SPOCK1: variants seen among roughly 807,000 people sequenced by gnomAD.
SPOCK1 encodes testican-1.
SPOCK1 carries 23 observed loss-of-function variants against 55.3 expected under a neutral mutation model. The ratio of observed to expected loss-of-function variants is 0.42; its 90% CI spans 0.30 to 0.59. SPOCK1 has a LOEUF of 0.59. Among genes scored for constraint, SPOCK1 ranks in the 20% least tolerant of loss-of-function variants. The pLI is 0.22. For missense variants in SPOCK1, 499 were observed against 552.5 expected, an observed-to-expected ratio of 0.90 and a Z score of 0.97; for synonymous variants, 226 against 221.0, an observed-to-expected ratio of 1.02 and a Z score of -0.20.
At chr5:137,281,028 G>A (rs1936436630) in intron 2 of SPOCK1, among the ~76,000 whole-genome samples, 1 of 151,916 alleles carries the variant, frequency 6.6e-6, no homozygotes, top group Non-Finnish European at 1.5e-5. Context: ...AGATAGTTAT[G>A]GGAATATGAA....
intron 2 of SPOCK1, among the ~76,000 whole-genome samples, chr5:137,268,260 G>A (rs1232988864): frequency 6.6e-6 from 1 of 152,040 alleles, no homozygotes; most frequent in Non-Finnish European, 1.5e-5. Flanking sequence ...ATTGTTTCTT[G>A]GCCAGTGATT....
chr5:137,489,423 G>A (rs891841160), intron 2 of SPOCK1, among the ~76,000 whole-genome samples: 2 of 152,204 alleles, frequency 1.3e-5, no homozygotes, highest in African/African-American at 4.8e-5. Context: ...CTAAACAGCA[G>A]TAGGAACTGT....
chr5:137,364,370 C>A (rs997359717), intron 2 of SPOCK1, among the ~76,000 whole-genome samples: 1 of 152,132 alleles, frequency 6.6e-6, no homozygotes, highest in Admixed American at 6.5e-5. Flanking sequence ...ACTCAAATTA[C>A]GAGTGATTTA....
At chr5:137,066,272 G>T (rs1186183900) in intron 6 of SPOCK1, among the ~76,000 whole-genome samples, 1 of 152,132 alleles carries the variant, frequency 6.6e-6, no homozygotes, top group African/African-American at 2.4e-5. Context: ...CTGAGTAGCT[G>T]GGATTACAGG....
intron 5 of SPOCK1, among the ~76,000 whole-genome samples, chr5:137,075,350 TGTCCCTCCTGCAG>T (rs1279773697): frequency 6.6e-6 from 1 of 152,202 alleles, no homozygotes; most frequent in African/African-American, 2.4e-5. Flanking sequence ...TTGCAGTTAC[TGTCCCTCCTGCAG>T]CTCCCGCTAG....
At chr5:137,317,785 A>T (rs1026757114) in intron 2 of SPOCK1, among the ~76,000 whole-genome samples, 1 of 152,184 alleles carries the variant, frequency 6.6e-6, no homozygotes, top group Non-Finnish European at 1.5e-5. Flanking sequence ...ACTAACCATA[A>T]TCTACAAATA....
chr5:137,014,570 T>C (rs1372808451), intron 6 of SPOCK1, among the ~76,000 whole-genome samples: 1 of 152,182 alleles, frequency 6.6e-6, no homozygotes, highest in African/African-American at 2.4e-5. Context: ...TTAAGCCTGC[T>C]ATGCCCAGAT....
chr5:136,982,945 C>T (rs1280921398), intron 9 of SPOCK1, among the ~76,000 whole-genome samples: 2 of 152,138 alleles, frequency 1.3e-5, no homozygotes, highest in Non-Finnish European at 2.9e-5. Flanking sequence ...TTCCCCTTGG[C>T]ACTTTGAAGA....
intron 2 of SPOCK1, among the ~76,000 whole-genome samples, chr5:137,370,733 T>A (rs781093552): frequency 2.6e-5 from 4 of 152,258 alleles, no homozygotes; most frequent in Non-Finnish European, 5.9e-5. Context: ...GAGTTTTAGC[T>A]GTACTGAGAT....
chr5:137,392,274 T>A (rs1257951417), intron 2 of SPOCK1, among the ~76,000 whole-genome samples: 1 of 152,104 alleles, frequency 6.6e-6, no homozygotes, highest in African/African-American at 2.4e-5. Context: ...GCACCCACAG[T>A]CCATAGACAT....
In SPOCK1 at chr5:137,072,956, G is replaced by A. The variant is rs555555219; in HGVS notation, c.475-5127C>T. Among the ~76,000 whole-genome samples the A allele has an allele frequency of 8.5e-5, 13 of 152,318 alleles. 1 individual carries two copies. The highest frequency in any genetic ancestry group is 2.9e-4 in the African/African-American group (12 of 41,576). The stretch of plus-strand genomic sequence containing the variant: ...TTAATAATTGGGCAGGAAGTGAGCG[G>A]CTGCTGACTGCACCAGTCAGATGCC... On this transcript the variant is annotated intron_variant, in intron 5 of 10. Coordinates refer to ENST00000394945, the MANE Select transcript of SPOCK1 (RefSeq NM_004598.4).
intron 2 of SPOCK1, among the ~76,000 whole-genome samples, chr5:137,355,108 G>A (rs1750763687): frequency 6.6e-6 from 1 of 151,980 alleles, no homozygotes; most frequent in Non-Finnish European, 1.5e-5. Context: ...TCACCATGTT[G>A]CCCAGGCTGG....
chr5:137,367,022 A>T (rs1235267362), intron 2 of SPOCK1, among the ~76,000 whole-genome samples: 1 of 152,238 alleles, frequency 6.6e-6, no homozygotes, highest in Non-Finnish European at 1.5e-5. Context: ...AACTGAGTCA[A>T]ATGGCAGTGA....
At chr5:137,242,164 T>C (rs1424521667) in intron 3 of SPOCK1, among the ~76,000 whole-genome samples, 2 of 152,172 alleles carry the variant, frequency 1.3e-5, no homozygotes, top group African/African-American at 4.8e-5. Context: ...GCTCCTGAGT[T>C]CAAGACCAGT....
intron 2 of SPOCK1, among the ~76,000 whole-genome samples, chr5:137,358,000 G>C (rs1385493180): frequency 6.6e-6 from 1 of 152,026 alleles, no homozygotes; most frequent in Non-Finnish European, 1.5e-5. Flanking sequence ...AAAAAGACCA[G>C]AAATTTGCCT....
At chr5:137,046,391 T>C (rs1752106540) in intron 6 of SPOCK1, among the ~76,000 whole-genome samples, 1 of 151,612 alleles carries the variant, frequency 6.6e-6, no homozygotes, top group South Asian at 2.1e-4. Context: ...CTAAGTATTT[T>C]ATTCTCTTTG....
At chr5:137,137,911 A>G (rs1335693353) in intron 4 of SPOCK1, among the ~76,000 whole-genome samples, 1 of 152,222 alleles carries the variant, frequency 6.6e-6, no homozygotes, top group Non-Finnish European at 1.5e-5. Context: ...AACAGCTGCT[A>G]TTATTTGACA....
Position 137,380,422 on chromosome 5 carries a change from T to G in SPOCK1, c.187-113367A>C, listed in dbSNP as rs150664569. ...ATGAGTGTGAGCTTCTGAAAAAGTC[T>G]CTTGCTTAGGAAGAGGAATGCTGTA... On this transcript the variant is annotated intron_variant, in intron 2 of 10. Coordinates refer to ENST00000394945, the MANE Select transcript of SPOCK1 (RefSeq NM_004598.4). Among the ~76,000 whole-genome samples the G allele has an allele frequency of 5.8e-4, 89 of 152,352 alleles. 1 individual carries two copies. In the East Asian group the frequency reaches 0.016, roughly 28 times the overall value.
intron 2 of SPOCK1, among the ~76,000 whole-genome samples, chr5:137,302,923 A>G (rs550013563): frequency 1.3e-4 from 20 of 152,306 alleles, no homozygotes; most frequent in African/African-American, 4.1e-4. Context: ...GCTGGCACAA[A>G]GTAGGGACTC....
Sources: allele counts gnomAD v4.1 joint callset (sites outside exome capture counted in the v4.1 genomes callset), GRCh38; gene constraint gnomAD v4.1.1; transcripts MANE v1.5; gene names NCBI Gene and HGNC (gene_info 2026-07-23, HGNC 2026-07-21).